VPS8: variants seen among roughly 807,000 people sequenced by gnomAD.
VPS8 encodes vacuolar protein sorting-associated protein 8 homolog.
VPS8 carries 129 observed loss-of-function variants against 216.4 expected under a neutral mutation model. That is an observed-to-expected ratio of 0.60 (90% CI 0.52 to 0.69). The LOEUF is 0.69. Among genes scored for constraint, VPS8 ranks in the 30% least tolerant of loss-of-function variants. VPS8 has a pLI of 0.00. For missense variants in VPS8, 1,531 were observed against 1,683.5 expected (o/e 0.91, Z 1.59); for synonymous variants, 571 against 565.4 (o/e 1.01, Z -0.14).
At chr3:184,934,131 C>T (rs982725623) in intron 34 of VPS8, among the ~76,000 whole-genome samples, 1 of 151,858 alleles carries the variant, frequency 6.6e-6, no homozygotes, top group Non-Finnish European at 1.5e-5. Flanking sequence ...TTATAGTGCT[C>T]TCTGTGGGGA....
chr3:184,960,680 C>A (rs1467288514), intron 37 of VPS8, among the ~76,000 whole-genome samples: 1 of 152,030 alleles, frequency 6.6e-6, no homozygotes, highest in Non-Finnish European at 1.5e-5. Context: ...CTGCAACATC[C>A]CAATATTAGG....
intron 35 of VPS8, 140 bp from the exon 36 acceptor site, chr3:184,940,057 C>T: frequency 3.5e-6 from 1 of 284,826 alleles, no homozygotes; most frequent in Non-Finnish European, 6.7e-6. Flanking sequence ...TTTAGAATTT[C>T]TTAGATCTGT....
chr3:184,885,588 C>T (rs1487190348), intron 21 of VPS8, among the ~76,000 whole-genome samples: 1 of 152,122 alleles, frequency 6.6e-6, no homozygotes, highest in Non-Finnish European at 1.5e-5. Context: ...CCAACTGTAT[C>T]CCGTTATCAA....
At chr3:184,816,758 G>A (rs1019317054) in intron 1 of VPS8, among the ~76,000 whole-genome samples, 1 of 152,220 alleles carries the variant, frequency 6.6e-6, no homozygotes, top group African/African-American at 2.4e-5. Flanking sequence ...CATGGCGTTT[G>A]TTATTTTGAG....
At chr3:185,004,262 G>A (rs187043688) in intron 45 of VPS8, among the ~76,000 whole-genome samples, 1,676 of 152,348 alleles carry the variant, frequency 0.011, 32 homozygotes, top group African/African-American at 0.037. Flanking sequence ...CGGATCACTC[G>A]TGGTTAGGAG....
intron 24 of VPS8, among the ~76,000 whole-genome samples, chr3:184,900,237 T>A (rs1477716074): frequency 6.6e-6 from 1 of 152,130 alleles, no homozygotes; most frequent in African/African-American, 2.4e-5. Flanking sequence ...ATATACAGAT[T>A]AACAGGAGAA....
At chr3:184,893,319 T>C in intron 22 of VPS8, 1 of 1,282,030 alleles carries the variant, frequency 7.8e-7, no homozygotes, top group East Asian at 5.6e-5. Context: ...AGACCATACC[T>C]GTGAATAAAT....
chr3:184,915,327 T>A (rs1212963341), intron 27 of VPS8, 28 bp from the exon 28 acceptor site: 3 of 1,604,948 alleles, frequency 1.9e-6, no homozygotes, highest in Non-Finnish European at 2.6e-6. Context: ...GGTGAGAAAA[T>A]AATCAACATT....
chr3:185,000,612 C>CTTTT (rs11425416), intron 45 of VPS8, among the ~76,000 whole-genome samples: 1 of 141,046 alleles, frequency 7.1e-6, no homozygotes, highest in African/African-American at 2.6e-5. Context: ...CTTTTCGTTT[C>CTTTT]TTTTTTTTTT....
Position 184,931,301 on chromosome 3 carries a change from GA to G in VPS8, c.2898+740del, listed in dbSNP as rs546621120. ...TCTATTCTGTTTATTTCTGATGATT[GA>G]AAAAAAGTAGTAAGAAAAGAGGTAA... is the stretch of plus-strand genomic sequence containing the variant. On this transcript the variant is annotated intron_variant, in intron 34 of 47. Transcript: ENST00000625842. Among the ~76,000 whole-genome samples, 14 of 151,908 alleles carry G rather than the reference GA, an allele frequency of 9.2e-5. No homozygotes were observed. In the East Asian group the frequency reaches 2.7e-3, roughly 29 times the overall value.
chr3:185,022,607 T>C (rs1577193892), intron 45 of VPS8, among the ~76,000 whole-genome samples: 1 of 152,356 alleles, frequency 6.6e-6, no homozygotes, highest in East Asian at 1.9e-4. Flanking sequence ...AAGGTTCTTA[T>C]CATCTTTTAA....
At chr3:184,908,797 A>G (rs1404900713) in intron 25 of VPS8, among the ~76,000 whole-genome samples, 4 of 152,206 alleles carry the variant, frequency 2.6e-5, no homozygotes, top group Admixed American at 6.5e-5. Context: ...GAGGGGATAC[A>G]GGGGTGGTCC....
chr3:184,845,484 G>C (rs907948821), intron 8 of VPS8, among the ~76,000 whole-genome samples: 6 of 152,166 alleles, frequency 3.9e-5, no homozygotes, highest in Non-Finnish European at 7.4e-5. Flanking sequence ...GAGTGGCCAG[G>C]CACAGTGGCT....
At chr3:184,899,139 C>A (rs2108972746) in intron 24 of VPS8, among the ~76,000 whole-genome samples, 1 of 152,210 alleles carries the variant, frequency 6.6e-6, no homozygotes, top group Admixed American at 6.5e-5. Flanking sequence ...AATTTTATAG[C>A]ATTCATTCTA....
At chr3:184,954,231 G>A (rs1197512576) in intron 36 of VPS8, among the ~76,000 whole-genome samples, 1 of 152,196 alleles carries the variant, frequency 6.6e-6, no homozygotes, top group Non-Finnish European at 1.5e-5. Context: ...AGTGCACACT[G>A]CCCTCCAGGA....
At chr3:185,035,209 T>C (rs1758714375) in intron 46 of VPS8, among the ~76,000 whole-genome samples, 1 of 152,152 alleles carries the variant, frequency 6.6e-6, no homozygotes, top group Non-Finnish European at 1.5e-5. Context: ...TCAATCCTAC[T>C]GAAAGTATTC....
chr3:184,916,405 T>G (rs1737604788), intron 28 of VPS8, among the ~76,000 whole-genome samples: 1 of 152,068 alleles, frequency 6.6e-6, no homozygotes, highest in African/African-American at 2.4e-5. Context: ...TACACAGTAT[T>G]TGGAGAAAAA....
intron 5 of VPS8, 92 bp downstream of exon 5, chr3:184,834,834 G>C: frequency 1.0e-6 from 1 of 977,542 alleles, no homozygotes; most frequent in Non-Finnish European, 1.5e-6. Flanking sequence ...CACTTCTCTT[G>C]GCCCGAGGCT....
intron 46 of VPS8, among the ~76,000 whole-genome samples, chr3:185,042,974 AC>A (rs781016518): frequency 5.8e-4 from 88 of 152,238 alleles, no homozygotes; most frequent in Non-Finnish European, 6.8e-4. Context: ...GGTGACCAAC[AC>A]CAAACAGAAG....
Sources: gnomAD v4.1 joint callset for allele counts (sites outside exome capture counted in the v4.1 genomes callset) on GRCh38, gnomAD v4.1.1 for gene constraint, MANE v1.5 for transcripts, NCBI Gene and HGNC (gene_info 2026-07-23, HGNC 2026-07-21) for gene names.